The following AFF2 variants were observed in gnomAD, a reference collection of about 807,000 sequenced individuals.
AFF2 encodes the protein ALF transcription elongation factor 2.
A neutral mutation model predicts 76.9 loss-of-function variants in AFF2; 14 were observed. That is an observed-to-expected ratio of 0.18 (90% confidence interval 0.12 to 0.28). The LOEUF (loss-of-function observed/expected upper bound fraction) is 0.28. Among genes scored for constraint, AFF2 ranks in the 10% least tolerant of loss-of-function variants. The pLI is 1.00. For synonymous variants in AFF2, 398 were observed against 366.7 expected, an observed-to-expected ratio of 1.09 and a Z score of -0.98; for missense variants, 868 against 1,001.1, an observed-to-expected ratio of 0.87 and a Z score of 1.79.
intron 7 of AFF2, among the ~76,000 whole-genome samples, chrX:148,881,370 TG>T (rs2071093712): frequency 1.8e-5 from 2 of 111,315 alleles, no homozygotes; most frequent in Admixed American, 9.5e-5. Context: ...CAACTTCAAC[TG>T]GGGGGTCGCC....
Position 148,970,569 on chromosome X carries a change from A to G in AFF2, c.3267+2877A>G, listed in dbSNP as rs782657491. 2.7e-5 allele frequency among the ~76,000 whole-genome samples: 3 copies of G among 112,509 alleles called. No individual in the cohort carries two copies. The South Asian group carries it at 1.1e-3, about 41-fold the overall frequency. Reference sequence around the variant, plus strand: ...AATACTCACTATAAAAGTGTCATGTATAATATTCATTACACATAAAAAAGA... The same window carrying G: ...AATACTCACTATAAAAGTGTCATGTGTAATATTCATTACACATAAAAAAGA... On this transcript the variant is annotated intron_variant, in intron 15 of 20. Coordinates refer to ENST00000370460, the MANE Select transcript of AFF2 (RefSeq NM_002025.4).
rs1293591397 is a variant in AFF2, at chrX:148,614,706, TTTCTTTCTTTC to T, written c.48-37290_48-37280del. ...TTTCCTTCTTTCTTTTCTTTCTTTC[TTTCTTTCTTTC>T]TTTCTTTCTTTCTTTCCTTCTTTTC... On this transcript the variant is annotated intron_variant, in intron 1 of 20. Coordinates refer to ENST00000370460, the MANE Select transcript of AFF2 (RefSeq NM_002025.4). 1.9e-4 allele frequency among the ~76,000 whole-genome samples: 9 copies of T among 48,324 alleles called. No homozygotes were observed. In the South Asian group the frequency reaches 2.5e-3, roughly 13 times the overall value. 42.0% of individuals were successfully genotyped at this position (48,324 alleles called of 115,157 possible). A position where few individuals can be genotyped will look rare whatever the true frequency, so the allele number is the denominator to read the frequency against.
At chrX:148,559,811 C>A (rs1327871244) in intron 1 of AFF2, among the ~76,000 whole-genome samples, 1 of 111,322 alleles carries the variant, frequency 9.0e-6, no homozygotes, top group Non-Finnish European at 1.9e-5. Flanking sequence ...ATTGCTGGGT[C>A]AAATGGTATT....
intron 3 of AFF2, among the ~76,000 whole-genome samples, chrX:148,693,064 G>A (rs1218483137): frequency 4.5e-5 from 5 of 111,067 alleles, no homozygotes; most frequent in East Asian, 2.8e-4. Flanking sequence ...GACTACAGGC[G>A]CCTGCCACCA....
At chrX:148,503,870 G>T (rs371258747) in intron 1 of AFF2, among the ~76,000 whole-genome samples, 1 of 111,510 alleles carries the variant, frequency 9.0e-6, no homozygotes, top group African/African-American at 3.3e-5. Context: ...CTCTGGACTC[G>T]ATTAAAGGGC....
At chrX:148,908,410 A>G (rs782789487) in intron 9 of AFF2, among the ~76,000 whole-genome samples, 1 of 112,223 alleles carries the variant, frequency 8.9e-6, no homozygotes, top group East Asian at 2.8e-4. Context: ...ATAAATGTCC[A>G]TGAAATCTTC....
chrX:148,837,812 A>C, intron 5 of AFF2, 79 bp downstream of exon 5: 1 of 682,439 alleles, frequency 1.5e-6, no homozygotes, highest in Non-Finnish European at 2.3e-6. Context: ...TCAGTGGCAA[A>C]AATGGCCTTG....
At chrX:148,671,315 T>G (rs2054421331) in intron 3 of AFF2, among the ~76,000 whole-genome samples, 1 of 112,340 alleles carries the variant, frequency 8.9e-6, no homozygotes. Flanking sequence ...ATTTGATAAT[T>G]TTAGTGATTC....
Position 148,662,336 on chromosome X carries a change from G to C in AFF2, c.609G>C (p.Gln203His). The change falls in exon 3 of 21, where the codon CAG becomes CAC. Residue 203 changes from glutamine (Q) to histidine (H), a missense_variant. Transcript: ENST00000370460. The stretch of plus-strand genomic sequence containing the variant: ...ACTTCTTTGTCTACCCAGCTGAACA[G>C]CCCCAGATTGGAGAAGTTGAAGAGT... ...LEDFFVYPAE[Q>H]PQIGEVEESN... 1.7e-6 allele frequency: 2 copies of C among 1,211,702 alleles called. No homozygotes were observed. The highest frequency in any genetic ancestry group is 2.2e-6 in the Non-Finnish European group (2 of 895,343).
At chrX:148,805,406 A>G (rs1490683077) in intron 3 of AFF2, among the ~76,000 whole-genome samples, 1 of 110,956 alleles carries the variant, frequency 9.0e-6, no homozygotes, top group Non-Finnish European at 1.9e-5. Context: ...GTAATAATAT[A>G]CTCAGAGGCA....
At chrX:148,516,857 T>C (rs1260930285) in intron 1 of AFF2, among the ~76,000 whole-genome samples, 2 of 112,004 alleles carry the variant, frequency 1.8e-5, no homozygotes, top group Admixed American at 1.9e-4. Context: ...GCCACTCTTC[T>C]GGCTGTGACC....
At chrX:148,855,082 T>C (rs1016873531) in intron 7 of AFF2, among the ~76,000 whole-genome samples, 1 of 111,488 alleles carries the variant, frequency 9.0e-6, no homozygotes, top group Admixed American at 9.5e-5. Context: ...TGTTGGACAA[T>C]ATCAAGTAGT....
At position 148,600,766 on chromosome X, in the gene AFF2, G is replaced by A. The variant is rs781814329; in HGVS notation, c.48-51233G>A. 5.4e-5 allele frequency among the ~76,000 whole-genome samples: 6 copies of A among 111,997 alleles called. No individual in the cohort carries two copies. In the East Asian group the frequency reaches 1.4e-3, roughly 26 times the overall value. The stretch of plus-strand genomic sequence containing the variant: ...CTCCTTCCATCTCCAGATGCCTGCC[G>A]CCCCCAAACTCCCTGTGCCTGCTCC... On this transcript the variant is annotated intron_variant, in intron 1 of 20. Transcript: ENST00000370460.
At chrX:148,940,498 C>T (rs2071821236) in intron 9 of AFF2, among the ~76,000 whole-genome samples, 1 of 111,931 alleles carries the variant, frequency 8.9e-6, no homozygotes, top group Admixed American at 9.5e-5. Context: ...TTTGAAATTG[C>T]TAAATTTCCT....
intron 13 of AFF2, among the ~76,000 whole-genome samples, chrX:148,964,313 T>C (rs1299724863): frequency 8.9e-6 from 1 of 112,036 alleles, no homozygotes; most frequent in African/African-American, 3.2e-5. Context: ...CTCTGAATGG[T>C]CCAAGGAGGA....
chrX:148,726,980 T>G (rs2055165490), intron 3 of AFF2, among the ~76,000 whole-genome samples: 1 of 111,925 alleles, frequency 8.9e-6, no homozygotes, highest in Non-Finnish European at 1.9e-5. Flanking sequence ...CCAAAAAAGA[T>G]GTGGCAGGCA....
At chrX:148,967,231 ACACT>A in intron 14 of AFF2, 152 bp downstream of exon 14, 1 of 810,759 alleles carries the variant, frequency 1.2e-6, no homozygotes, top group South Asian at 2.8e-5. Context: ...CCCTGCATAC[ACACT>A]CACCACTCTG....
At chrX:148,659,344 A>G (rs1168595063) in intron 2 of AFF2, among the ~76,000 whole-genome samples, 1 of 112,345 alleles carries the variant, frequency 8.9e-6, no homozygotes, top group Non-Finnish European at 1.9e-5. Context: ...GAATTTGACT[A>G]GCTTGCTTGT....
At chrX:148,846,476 C>T (rs1603311674) in intron 7 of AFF2, among the ~76,000 whole-genome samples, 2 of 112,234 alleles carry the variant, frequency 1.8e-5, no homozygotes, top group African/African-American at 6.5e-5. Flanking sequence ...GGTACACCAA[C>T]AAACACTTGT....
Sources: gnomAD v4.1 joint callset for allele counts (sites outside exome capture counted in the v4.1 genomes callset) on GRCh38, gnomAD v4.1.1 for gene constraint, MANE v1.5 for transcripts, NCBI Gene and HGNC (gene_info 2026-07-23, HGNC 2026-07-21) for gene names.